EPHA6: variants seen among roughly 807,000 people sequenced by gnomAD.
The protein encoded by EPHA6 is EPH receptor A6.
In EPHA6, 50 loss-of-function variants were observed where a neutral mutation model predicts 112.0. The observed-to-expected ratio is 0.45, with a 90% CI of 0.36 to 0.56. EPHA6 has a LOEUF of 0.56. Among genes scored for constraint, EPHA6 ranks in the 20% least tolerant of loss-of-function variants. The probability of loss-of-function intolerance (pLI) is 0.00; values close to 1 mark genes in which losing one functional copy is unlikely to be tolerated. For synonymous variants in EPHA6, 529 were observed against 490.7 expected (o/e 1.08, Z -1.03); for missense variants, 1,280 against 1,417.4 (o/e 0.90, Z 1.56).
At chr3:97,543,165 T>A (rs369757554) in intron 11 of EPHA6, among the ~76,000 whole-genome samples, 18 of 152,230 alleles carry the variant, frequency 1.2e-4, no homozygotes, top group South Asian at 6.2e-4. Flanking sequence ...ATGAAGTCCT[T>A]GCCCATGCCT....
intron 5 of EPHA6, among the ~76,000 whole-genome samples, chr3:97,253,404 T>C (rs1006002894): frequency 6.6e-6 from 1 of 152,182 alleles, no homozygotes; most frequent in African/African-American, 2.4e-5. Context: ...TATTTTGACA[T>C]TCTAATAGGT....
Position 97,484,067 on chromosome 3 carries a change from T to A in EPHA6, c.2200+8T>A. The A allele has an allele frequency of 6.3e-7, 1 of 1,596,398 alleles. No homozygotes were observed. Among genetic ancestry groups the A allele is most frequent in the Non-Finnish European group, 8.5e-7 (1 of 1,173,032 alleles). Reference sequence around the variant, plus strand: ...AGAGAGTCATTGGGGCAGGTAAATGTCAAATCTACACTTTTGAACAAAACA... The same window carrying A: ...AGAGAGTCATTGGGGCAGGTAAATGACAAATCTACACTTTTGAACAAAACA... On this transcript the variant is annotated splice_region_variant and intron_variant, in intron 10 of 17. Coordinates refer to ENST00000389672, the MANE Select transcript of EPHA6 (RefSeq NM_001080448.3).
chr3:97,323,995 T>C lies in EPHA6; in HGVS notation c.1606+79708T>C, dbSNP rs570208213. Reference sequence around the variant, plus strand: ...GCAATTTTTCTCTTTAAAAAAAAAATGCAGCTTCTGTTGACTGAGTGACCG... The same window carrying C: ...GCAATTTTTCTCTTTAAAAAAAAAACGCAGCTTCTGTTGACTGAGTGACCG... On this transcript the variant is annotated intron_variant, in intron 5 of 17. Transcript: ENST00000389672. 1.3e-3 allele frequency among the ~76,000 whole-genome samples: 203 copies of C among 151,896 alleles called. 1 individual carries two copies. Among genetic ancestry groups the C allele is most frequent in the Non-Finnish European group, 1.7e-3 (113 of 67,948 alleles).
intron 6 of EPHA6, among the ~76,000 whole-genome samples, chr3:97,417,803 A>G (rs564312212): frequency 6.6e-6 from 1 of 152,328 alleles, no homozygotes; most frequent in East Asian, 1.9e-4. Flanking sequence ...AAACTGAAGT[A>G]GTACCATTCT....
At chr3:97,677,498 AT>A (rs1363012118) in intron 14 of EPHA6, among the ~76,000 whole-genome samples, 2 of 152,028 alleles carry the variant, frequency 1.3e-5, no homozygotes, top group African/African-American at 4.8e-5. Context: ...AGGTGGGCGG[AT>A]CACCTGAGTT....
chr3:97,270,865 T>C (rs190729635), intron 5 of EPHA6, among the ~76,000 whole-genome samples: 1 of 152,338 alleles, frequency 6.6e-6, no homozygotes, highest in African/African-American at 2.4e-5. Flanking sequence ...GTAGTTATCA[T>C]TGTACAACAG....
chr3:97,598,365 C>G (rs921928756), intron 12 of EPHA6, among the ~76,000 whole-genome samples: 7 of 150,220 alleles, frequency 4.7e-5, no homozygotes, highest in African/African-American at 7.3e-5. Flanking sequence ...GCTGCACCCA[C>G]TAACTCGTCA....
chr3:97,738,240 A>C (rs939109165), intron 16 of EPHA6, among the ~76,000 whole-genome samples: 1 of 151,784 alleles, frequency 6.6e-6, no homozygotes, highest in Non-Finnish European at 1.5e-5. Context: ...TTTTTATATG[A>C]GTTATTGAGG....
At chr3:97,013,911 CTT>C (rs900231534) in intron 3 of EPHA6, among the ~76,000 whole-genome samples, 3 of 152,038 alleles carry the variant, frequency 2.0e-5, no homozygotes, top group African/African-American at 7.2e-5. Context: ...CTCCTGCAAA[CTT>C]ATCATTATTG....
chr3:97,296,628 A>G (rs908796762), intron 5 of EPHA6, among the ~76,000 whole-genome samples: 4 of 152,206 alleles, frequency 2.6e-5, no homozygotes, highest in Non-Finnish European at 4.4e-5. Flanking sequence ...CAGCAGCAGC[A>G]GTGGCAGTGA....
intron 14 of EPHA6, among the ~76,000 whole-genome samples, chr3:97,701,721 C>G (rs1275644405): frequency 6.6e-6 from 1 of 151,070 alleles, no homozygotes; most frequent in East Asian, 1.9e-4. Context: ...TTATATATAC[C>G]TACCTTCTTG....
chr3:97,039,088 A>G (rs2045218258), intron 3 of EPHA6, among the ~76,000 whole-genome samples: 1 of 152,014 alleles, frequency 6.6e-6, no homozygotes, highest in Admixed American at 6.6e-5. Context: ...CTAACAGCCT[A>G]AATGGGCTGG....
intron 1 of EPHA6, among the ~76,000 whole-genome samples, chr3:96,854,174 C>T (rs1015581178): frequency 2.0e-5 from 3 of 147,074 alleles, no homozygotes; most frequent in Admixed American, 2.0e-4. Context: ...TCTGTTTAAT[C>T]ATGACTTTTT....
chr3:97,664,920 A>C (rs907760246), intron 14 of EPHA6, among the ~76,000 whole-genome samples: 1 of 152,106 alleles, frequency 6.6e-6, no homozygotes, highest in East Asian at 1.9e-4. Flanking sequence ...TTCAATGCCA[A>C]CCCCATCAAG....
At chr3:97,365,006 G>A (rs1313353306) in intron 5 of EPHA6, among the ~76,000 whole-genome samples, 1 of 152,134 alleles carries the variant, frequency 6.6e-6, no homozygotes, top group African/African-American at 2.4e-5. Flanking sequence ...CAAAGGAATA[G>A]GAGAATTGCA....
intron 2 of EPHA6, among the ~76,000 whole-genome samples, chr3:96,885,801 A>G (rs2037589424): frequency 6.6e-6 from 1 of 151,754 alleles, no homozygotes; most frequent in African/African-American, 2.4e-5. Context: ...TCTAGTTCCT[A>G]GAGGTGTAAC....
intron 3 of EPHA6, among the ~76,000 whole-genome samples, chr3:97,106,920 A>C (rs1037447260): frequency 6.6e-6 from 1 of 152,124 alleles, no homozygotes; most frequent in Non-Finnish European, 1.5e-5. Flanking sequence ...TAGAGAAAGG[A>C]ACGACAACTA....
At chr3:97,112,302 A>G (rs2047747216) in intron 3 of EPHA6, among the ~76,000 whole-genome samples, 1 of 152,248 alleles carries the variant, frequency 6.6e-6, no homozygotes, top group South Asian at 2.1e-4. Context: ...GAAAGCTGTC[A>G]CTTATTAAAA....
intron 3 of EPHA6, among the ~76,000 whole-genome samples, chr3:97,199,818 T>A (rs2077534667): frequency 6.6e-6 from 1 of 152,172 alleles, no homozygotes; most frequent in African/African-American, 2.4e-5. Context: ...AATATAAATA[T>A]GAATCAGATA....
Sources: gnomAD v4.1 joint callset for allele counts (sites outside exome capture counted in the v4.1 genomes callset) on GRCh38, gnomAD v4.1.1 for gene constraint, MANE v1.5 for transcripts, NCBI Gene and HGNC (gene_info 2026-07-23, HGNC 2026-07-21) for gene names.